The following RALGAPA2 variants were observed in gnomAD, a reference collection of about 807,000 sequenced individuals.
The protein encoded by RALGAPA2 is ral GTPase-activating protein subunit alpha-2.
Under a neutral mutation model 230.4 loss-of-function variants are expected in RALGAPA2, and 139 were observed. The ratio of observed to expected loss-of-function variants is 0.60; its 90% CI spans 0.53 to 0.69. The LOEUF (loss-of-function observed/expected upper bound fraction) is 0.69. RALGAPA2 is among the 30% of genes least tolerant of loss of function. RALGAPA2 has a pLI of 0.00. For missense variants in RALGAPA2, 2,163 were observed against 2,276.0 expected, an observed-to-expected ratio of 0.95 and a Z score of 1.01; for synonymous variants, 847 against 837.8, an observed-to-expected ratio of 1.01 and a Z score of -0.19.
intron 1 of RALGAPA2, among the ~76,000 whole-genome samples, chr20:20,698,340 G>A (rs1037939315): frequency 2.7e-5 from 4 of 150,762 alleles, no homozygotes; most frequent in Admixed American, 6.6e-5. Context: ...GCTCAATCTC[G>A]GCTCACTGCA....
rs571707755 is a variant in RALGAPA2, at chr20:20,552,674, C to T, written c.3157-5842G>A. 4.6e-5 allele frequency among the ~76,000 whole-genome samples: 7 copies of T among 152,294 alleles called. No individual in the cohort carries two copies. The East Asian group carries it at 1.4e-3, about 29-fold the overall frequency. On this transcript the variant is annotated intron_variant, in intron 23 of 39. Transcript: ENST00000202677. The stretch of plus-strand genomic sequence containing the variant: ...ATTTAAACTTTAACAATGGAGAAGA[C>T]AGCCACGATCCTGCAGTACTTGTGG...
chr20:20,420,802 C>T (rs373186751), intron 37 of RALGAPA2, among the ~76,000 whole-genome samples: 3 of 152,116 alleles, frequency 2.0e-5, no homozygotes, highest in Non-Finnish European at 4.4e-5. Context: ...CCCACGGATG[C>T]GTTTTAAACC....
chr20:20,471,846 A>C (rs952880978), intron 37 of RALGAPA2: 1 of 152,192 alleles, frequency 6.6e-6, no homozygotes, highest in Non-Finnish European at 1.5e-5. Flanking sequence ...TCAGTCAATG[A>C]AGTGACCAGG....
intron 23 of RALGAPA2, among the ~76,000 whole-genome samples, chr20:20,564,782 A>C (rs2064361564): frequency 2.6e-5 from 4 of 152,218 alleles, no homozygotes; most frequent in Admixed American, 2.6e-4. Flanking sequence ...GCCATCCATG[A>C]GAGTCATATG....
intron 37 of RALGAPA2, among the ~76,000 whole-genome samples, chr20:20,445,188 G>A (rs1222999971): frequency 6.6e-6 from 1 of 152,196 alleles, no homozygotes; most frequent in Non-Finnish European, 1.5e-5. Flanking sequence ...GAGGTTTCAG[G>A]CATCCACTGG....
At chr20:20,541,926 G>T in intron 24 of RALGAPA2, among the ~76,000 whole-genome samples, 1 of 152,176 alleles carries the variant, frequency 6.6e-6, no homozygotes, top group Admixed American at 6.5e-5. Context: ...CAGGGCAATC[G>T]GGCAAGATAA....
At chr20:20,500,729 CAGA>C (rs1463760571) in intron 35 of RALGAPA2, among the ~76,000 whole-genome samples, 1 of 152,134 alleles carries the variant, frequency 6.6e-6, no homozygotes, top group Non-Finnish European at 1.5e-5. Flanking sequence ...GAATCCATTC[CAGA>C]AGGTTTTCAA....
chr20:20,560,320 A>G (rs2145833138), intron 23 of RALGAPA2, among the ~76,000 whole-genome samples: 1 of 152,236 alleles, frequency 6.6e-6, no homozygotes, highest in East Asian at 1.9e-4. Context: ...CTCTTTTGCT[A>G]ACATTTCTTT....
rs1386843300 is a variant in RALGAPA2, at chr20:20,637,424, A to G, written c.744T>C (p.Tyr248=). Residue 248 remains tyrosine (Y), a synonymous_variant, in exon 8 of 40, where the codon TAT becomes TAC. Transcript: ENST00000202677. ...ATGATGGAAATAAATGAGGAAGATA[A>G]TACTTTCGAAACAATGTAAAAAGAA... ...FKFLFTLFRK[Y]YLPHLFPSFT... 1 of 1,581,870 alleles carries G rather than the reference A, an allele frequency of 6.3e-7. No individual in the cohort carries two copies. The highest frequency in any genetic ancestry group is 1.3e-5 in the African/African-American group (1 of 74,384).
chr20:20,629,647 G>C (rs1453798812), intron 9 of RALGAPA2, 57 bp from the exon 10 acceptor site: 6 of 1,559,278 alleles, frequency 3.8e-6, no homozygotes, highest in Non-Finnish European at 5.3e-6. Context: ...AGAACACCTG[G>C]CAAAACTTCA....
intron 23 of RALGAPA2, among the ~76,000 whole-genome samples, chr20:20,557,845 T>A (rs1421619856): frequency 1.3e-5 from 2 of 152,124 alleles, no homozygotes; most frequent in Non-Finnish European, 2.9e-5. Flanking sequence ...ACGGCATCAA[T>A]CAAGGCCAGA....
intron 1 of RALGAPA2, among the ~76,000 whole-genome samples, chr20:20,683,478 ACTCCCTATC>A (rs2068592127): frequency 6.6e-6 from 1 of 151,282 alleles, no homozygotes; most frequent in Middle Eastern, 3.4e-3. Context: ...TCTCCCCTTC[ACTCCCTATC>A]CTCTAACCAC....
intron 28 of RALGAPA2, among the ~76,000 whole-genome samples, chr20:20,525,332 A>G (rs1369891915): frequency 6.6e-6 from 1 of 152,234 alleles, no homozygotes; most frequent in African/African-American, 2.4e-5. Flanking sequence ...AGTCCCATTT[A>G]GATGATAAAT....
chr20:20,617,760 C>T (rs1007730426), intron 12 of RALGAPA2, among the ~76,000 whole-genome samples: 1 of 152,136 alleles, frequency 6.6e-6, no homozygotes, highest in Non-Finnish European at 1.5e-5. Flanking sequence ...ACATCTGAGA[C>T]ACAGTCGGAG....
chr20:20,632,394 C>T (rs1157906192), intron 9 of RALGAPA2, among the ~76,000 whole-genome samples: 1 of 152,118 alleles, frequency 6.6e-6, no homozygotes, highest in African/African-American at 2.4e-5. Context: ...AAGTAGATGA[C>T]TCACAACTGT....
intron 38 of RALGAPA2, among the ~76,000 whole-genome samples, chr20:20,410,192 A>G (rs1488589980): frequency 6.6e-6 from 1 of 152,230 alleles, no homozygotes; most frequent in East Asian, 1.9e-4. Context: ...AGTTCTTAAA[A>G]ACTCAAATTG....
intron 38 of RALGAPA2, among the ~76,000 whole-genome samples, chr20:20,407,753 T>C (rs1408390969): frequency 6.8e-6 from 1 of 147,082 alleles, no homozygotes; most frequent in East Asian, 2.0e-4. Flanking sequence ...TACAGAAGTC[T>C]TTTTCATTAG....
chr20:20,620,706 C>T, intron 10 of RALGAPA2, 76 bp from the exon 11 acceptor site: 1 of 1,219,854 alleles, frequency 8.2e-7, no homozygotes, highest in Non-Finnish European at 1.1e-6. Flanking sequence ...CGGACATTCC[C>T]AATGAGCATC....
chr20:20,534,620 G>C (rs2145595384), intron 26 of RALGAPA2, among the ~76,000 whole-genome samples: 1 of 151,830 alleles, frequency 6.6e-6, no homozygotes, highest in South Asian at 2.1e-4. Flanking sequence ...GAATGAGTCA[G>C]TGGTTAATCT....
Sources: allele counts gnomAD v4.1 joint callset (sites outside exome capture counted in the v4.1 genomes callset), GRCh38; gene constraint gnomAD v4.1.1; transcripts MANE v1.5; gene names NCBI Gene and HGNC (gene_info 2026-07-23, HGNC 2026-07-21).